ADAM17: variants seen among roughly 807,000 people sequenced by gnomAD.
ADAM17 encodes the protein ADAM metallopeptidase domain 17.
Under a neutral mutation model 96.7 loss-of-function variants are expected in ADAM17, and 39 were observed. The ratio of observed to expected loss-of-function variants is 0.40; its 90% CI spans 0.31 to 0.53. The LOEUF (loss-of-function observed/expected upper bound fraction) is 0.53, where lower values mean the gene tolerates loss of function less well. ADAM17 is among the 20% of genes least tolerant of loss of function. The probability of loss-of-function intolerance (pLI) is 0.44; values close to 1 mark genes in which losing one functional copy is unlikely to be tolerated. For synonymous variants in ADAM17, 344 were observed against 359.2 expected (o/e 0.96, Z 0.48); for missense variants, 777 against 1,013.2 (o/e 0.77, Z 3.17).
At chr2:9,527,523 T>G in intron 5 of ADAM17, 1 of 249,406 alleles carries the variant, frequency 4.0e-6, no homozygotes, top group Non-Finnish European at 7.6e-6. Context: ...TGCAGGAATA[T>G]TTTCCCTCAG....
intron 5 of ADAM17, among the ~76,000 whole-genome samples, chr2:9,526,728 G>A (rs1292150916): frequency 1.3e-5 from 2 of 151,898 alleles, no homozygotes; most frequent in South Asian, 2.1e-4. Flanking sequence ...CCCAGGGTGC[G>A]GAGGTTGCAG....
intron 18 of ADAM17, 71 bp downstream of exon 18, chr2:9,491,030 A>C: frequency 7.3e-7 from 1 of 1,371,560 alleles, no homozygotes; most frequent in Non-Finnish European, 1.0e-6. Flanking sequence ...TTGCTGGGTC[A>C]GGTGAAGGTC....
chr2:9,510,003 C>T lies in ADAM17; in HGVS notation c.1320G>A (p.Val440=), dbSNP rs566565696. 6.2e-7 allele frequency: 1 copy of T among 1,614,052 alleles called. No homozygotes were observed. The highest frequency in any genetic ancestry group is 1.1e-5 in the South Asian group (1 of 91,068). ...GGKYVMYPIA[V]SGDHENNKMF... ...CCTTATTGTTCTCGTGATCGCCACTCACAGCTATGGGATACATGACATATT... is the reference window on the plus strand; with the variant it reads ...CCTTATTGTTCTCGTGATCGCCACTTACAGCTATGGGATACATGACATATT... Residue 440 remains valine (V), a synonymous_variant, in exon 11 of 19, where the codon GTG becomes GTA. Coordinates refer to ENST00000310823, the MANE Select transcript of ADAM17 (RefSeq NM_003183.6).
chr2:9,522,163 C>A, intron 7 of ADAM17: 1 of 352,898 alleles, frequency 2.8e-6, no homozygotes, highest in Non-Finnish European at 5.0e-6. Flanking sequence ...TATAATAAAA[C>A]AAGTGAAGCA....
chr2:9,508,029 C>T (rs1663516816), intron 11 of ADAM17, among the ~76,000 whole-genome samples: 1 of 152,154 alleles, frequency 6.6e-6, no homozygotes, highest in African/African-American at 2.4e-5. Context: ...TCTTACAGGG[C>T]TGTTTTGAAG....
chr2:9,513,007 TTTTTTA>T (rs1333548280), intron 10 of ADAM17, among the ~76,000 whole-genome samples: 1 of 152,076 alleles, frequency 6.6e-6, no homozygotes, highest in Non-Finnish European at 1.5e-5. Context: ...CCTTTCTTTT[TTTTTTA>T]TTTTTTGAGA....
intron 12 of ADAM17, among the ~76,000 whole-genome samples, chr2:9,503,085 A>C (rs1663116533): frequency 6.7e-6 from 1 of 148,860 alleles, no homozygotes; most frequent in Non-Finnish European, 1.5e-5. Context: ...GGTTGCGGTG[A>C]GCCAAGATCG....
At chr2:9,537,706 C>G (rs1354405375) in intron 2 of ADAM17, among the ~76,000 whole-genome samples, 1 of 151,008 alleles carries the variant, frequency 6.6e-6, no homozygotes, top group Non-Finnish European at 1.5e-5. Flanking sequence ...GTTGACAGCG[C>G]GAGACTCCCG....
At chr2:9,545,872 T>C (rs960480085) in intron 1 of ADAM17, among the ~76,000 whole-genome samples, 1 of 151,880 alleles carries the variant, frequency 6.6e-6, no homozygotes, top group East Asian at 1.9e-4. Context: ...GGTGAGAGAA[T>C]TGCTTGACCC....
intron 13 of ADAM17, among the ~76,000 whole-genome samples, chr2:9,501,297 A>C (rs1305325487): frequency 1.3e-5 from 2 of 152,198 alleles, no homozygotes; most frequent in African/African-American, 4.8e-5. Flanking sequence ...TCATCATGCT[A>C]ATAGGACAGC....
At chr2:9,532,732 C>T (rs1468731368) in intron 4 of ADAM17, among the ~76,000 whole-genome samples, 2 of 150,972 alleles carry the variant, frequency 1.3e-5, no homozygotes, top group Admixed American at 6.6e-5. Flanking sequence ...AAGCAGTCCA[C>T]CCGCCTCAGC....
intron 2 of ADAM17, among the ~76,000 whole-genome samples, chr2:9,542,543 T>TG (rs1406430404): frequency 2.5e-4 from 38 of 152,344 alleles, no homozygotes; most frequent in African/African-American, 8.9e-4. Flanking sequence ...AGCACATGAT[T>TG]GATGGTTATA....
intron 11 of ADAM17, among the ~76,000 whole-genome samples, chr2:9,507,787 T>C (rs1663501885): frequency 6.6e-6 from 1 of 152,168 alleles, no homozygotes; most frequent in Non-Finnish European, 1.5e-5. Flanking sequence ...TAGCACAACC[T>C]TGGCTCACTG....
At chr2:9,514,645 G>A (rs539122338) in intron 10 of ADAM17, among the ~76,000 whole-genome samples, 13 of 148,506 alleles carry the variant, frequency 8.8e-5, no homozygotes, top group East Asian at 6.1e-4. Context: ...AGGCCAAGGC[G>A]GGCAGATCAC....
intron 10 of ADAM17, chr2:9,512,406 G>A (rs1246467287): frequency 1.3e-5 from 2 of 152,322 alleles, no homozygotes; most frequent in East Asian, 1.9e-4. Context: ...GTGAGCTACT[G>A]TACACACATG....
At chr2:9,496,022 T>C (rs145842917) in intron 14 of ADAM17, among the ~76,000 whole-genome samples, 52 of 152,216 alleles carry the variant, frequency 3.4e-4, no homozygotes, top group African/African-American at 1.2e-3. Context: ...CTACACATTA[T>C]TGAACTTGGA....
At position 9,533,144 on chromosome 2, in the gene ADAM17, G is replaced by A. The variant is rs571200801; in HGVS notation, c.450+2690C>T. ...GCAGAGGATGTGGTGAGCCGAGATC[G>A]CGCCATTGCACTCCAGTCTGGGTGA... is the stretch of plus-strand genomic sequence containing the variant. On this transcript the variant is annotated intron_variant, in intron 4 of 18. Transcript: ENST00000310823. 6.0e-5 allele frequency among the ~76,000 whole-genome samples: 9 copies of A among 150,606 alleles called. No individual in the cohort carries two copies. In the South Asian group the frequency reaches 1.5e-3, roughly 25 times the overall value.
intron 1 of ADAM17, among the ~76,000 whole-genome samples, chr2:9,552,279 A>G (rs1256639811): frequency 6.6e-6 from 1 of 152,246 alleles, no homozygotes; most frequent in African/African-American, 2.4e-5. Flanking sequence ...GTTCTAGGAA[A>G]TCCTGTGAAA....
At chr2:9,542,167 G>A (rs187843853) in intron 2 of ADAM17, among the ~76,000 whole-genome samples, 19 of 152,254 alleles carry the variant, frequency 1.2e-4, no homozygotes, top group Admixed American at 5.9e-4. Flanking sequence ...AAAACAATAC[G>A]TGGTATTAAA....
Sources: gnomAD v4.1 joint callset for allele counts (sites outside exome capture counted in the v4.1 genomes callset) on GRCh38, gnomAD v4.1.1 for gene constraint, MANE v1.5 for transcripts, NCBI Gene and HGNC (gene_info 2026-07-23, HGNC 2026-07-21) for gene names.